CNTN4: variants seen among roughly 807,000 people sequenced by gnomAD.
The protein encoded by CNTN4 is contactin-4.
Under a neutral mutation model 122.5 loss-of-function variants are expected in CNTN4, and 77 were observed. The ratio of observed to expected loss-of-function variants is 0.63; its 90% confidence interval spans 0.52 to 0.76. The LOEUF is 0.76. Among genes scored for constraint, CNTN4 ranks in the 30% least tolerant of loss-of-function variants. CNTN4 has a pLI of 0.00. For synonymous variants in CNTN4, 512 were observed against 447.0 expected, an observed-to-expected ratio of 1.15 and a Z score of -1.83; for missense variants, 1,256 against 1,259.1, an observed-to-expected ratio of 1.00 and a Z score of 0.04.
intron 5 of CNTN4, among the ~76,000 whole-genome samples, chr3:2,739,250 G>A (rs1276209501): frequency 6.6e-6 from 1 of 151,930 alleles, no homozygotes; most frequent in Non-Finnish European, 1.5e-5. Context: ...TGGTGAAGAT[G>A]AAGAGCAAAC....
At chr3:2,329,464 T>C (rs555820704) in intron 2 of CNTN4, among the ~76,000 whole-genome samples, 1 of 152,368 alleles carries the variant, frequency 6.6e-6, no homozygotes, top group Non-Finnish European at 1.5e-5. Flanking sequence ...AGCCAGGTCA[T>C]GCTTTACACC....
At chr3:2,255,907 A>C (rs941255435) in intron 2 of CNTN4, among the ~76,000 whole-genome samples, 4 of 152,224 alleles carry the variant, frequency 2.6e-5, no homozygotes, top group Non-Finnish European at 4.4e-5. Flanking sequence ...AACAAATTCA[A>C]AAGCTAGCAG....
chr3:2,203,114 G>T (rs2038176723), intron 2 of CNTN4, among the ~76,000 whole-genome samples: 1 of 152,036 alleles, frequency 6.6e-6, no homozygotes, highest in South Asian at 2.1e-4. Flanking sequence ...GATTACAGGC[G>T]TGAGTCTCTC....
intron 2 of CNTN4, among the ~76,000 whole-genome samples, chr3:2,335,268 T>C (rs2043900754): frequency 6.6e-6 from 1 of 152,016 alleles, no homozygotes; most frequent in Admixed American, 6.6e-5. Context: ...AGTTATGGAT[T>C]GAACATGGAA....
chr3:2,836,807 C>T (rs1011321210), intron 7 of CNTN4, among the ~76,000 whole-genome samples: 26 of 151,560 alleles, frequency 1.7e-4, no homozygotes, highest in Non-Finnish European at 1.8e-4. Context: ...AGGAGAAATA[C>T]GTAATGTAGA....
chr3:2,927,880 A>G (rs952880227), intron 13 of CNTN4, among the ~76,000 whole-genome samples: 6 of 152,190 alleles, frequency 3.9e-5, no homozygotes, highest in African/African-American at 1.4e-4. Flanking sequence ...GTCCCAAACT[A>G]TCAATATTAG....
chr3:2,813,384 G>A (rs1194555893), intron 6 of CNTN4, among the ~76,000 whole-genome samples: 1 of 152,070 alleles, frequency 6.6e-6, no homozygotes, highest in African/African-American at 2.4e-5. Flanking sequence ...ATAGAATCCA[G>A]GTCTACCCAA....
rs922679945 is a variant in CNTN4 at position 2,289,344 on chromosome 3, A to C, written c.-144-49834A>C. Among the ~76,000 whole-genome samples, 3 of 152,162 alleles carry C rather than the reference A, an allele frequency of 2.0e-5. No individual in the cohort carries two copies. In the East Asian group the frequency reaches 5.8e-4, roughly 29 times the overall value. On this transcript the variant is annotated intron_variant, in intron 2 of 24. Transcript: ENST00000418658. The stretch of plus-strand genomic sequence containing the variant: ...ATTTGACCTATGTTTCTCATTGCAT[A>C]GAGATATCCTAGGAAGATTTCAAAA...
chr3:2,302,178 C>G (rs2042550084), intron 2 of CNTN4, among the ~76,000 whole-genome samples: 1 of 152,160 alleles, frequency 6.6e-6, no homozygotes, highest in Admixed American at 6.5e-5. Context: ...TGCCTGTAAT[C>G]CCAGCACTAA....
At chr3:2,759,723 A>AC (rs2090502367) in intron 6 of CNTN4, among the ~76,000 whole-genome samples, 1 of 152,026 alleles carries the variant, frequency 6.6e-6, no homozygotes, top group Middle Eastern at 3.4e-3. Context: ...CAAAAAAAAA[A>AC]AAAGTATGTT....
At chr3:2,716,183 A>G (rs1336938051) in intron 4 of CNTN4, among the ~76,000 whole-genome samples, 2 of 151,996 alleles carry the variant, frequency 1.3e-5, no homozygotes. Flanking sequence ...CCAGCTGACC[A>G]TTTTTTAATA....
intron 3 of CNTN4, among the ~76,000 whole-genome samples, chr3:2,482,857 C>G (rs1051002471): frequency 6.6e-6 from 1 of 152,136 alleles, no homozygotes; most frequent in Non-Finnish European, 1.5e-5. Context: ...GATGTTCAGG[C>G]AAAAGTTTGC....
chr3:2,592,485 A>G (rs1187361328), intron 4 of CNTN4, among the ~76,000 whole-genome samples: 3 of 152,142 alleles, frequency 2.0e-5, no homozygotes, highest in Admixed American at 6.5e-5. Flanking sequence ...CGGGTAAGAG[A>G]TGATTGAATC....
At chr3:2,173,506 T>G (rs527818221) in intron 2 of CNTN4, among the ~76,000 whole-genome samples, 1 of 152,342 alleles carries the variant, frequency 6.6e-6, no homozygotes, top group Non-Finnish European at 1.5e-5. Flanking sequence ...AATGGTTTAT[T>G]TATCTTGGGC....
chr3:2,687,507 A>G (rs984311069), intron 4 of CNTN4, among the ~76,000 whole-genome samples: 1 of 152,160 alleles, frequency 6.6e-6, no homozygotes, highest in Non-Finnish European at 1.5e-5. Flanking sequence ...CAAAAAAAAT[A>G]CAAAAATTAT....
At chr3:2,948,541 C>G (rs1016540548) in intron 13 of CNTN4, among the ~76,000 whole-genome samples, 3 of 152,126 alleles carry the variant, frequency 2.0e-5, no homozygotes, top group African/African-American at 7.2e-5. Context: ...GGTCTACAAT[C>G]CTGTATCCAT....
At chr3:2,635,421 T>G (rs942548173) in intron 4 of CNTN4, among the ~76,000 whole-genome samples, 3 of 152,206 alleles carry the variant, frequency 2.0e-5, no homozygotes, top group African/African-American at 7.2e-5. Flanking sequence ...AATTTGAAAG[T>G]GAAAAATCTG....
chr3:2,785,604 C>T (rs902302275), intron 6 of CNTN4, among the ~76,000 whole-genome samples: 14 of 151,842 alleles, frequency 9.2e-5, no homozygotes, highest in Middle Eastern at 3.4e-3. Context: ...AAACAAGTTA[C>T]AGTGAAAATA....
At chr3:2,185,135 A>G (rs974334160) in intron 2 of CNTN4, among the ~76,000 whole-genome samples, 2 of 152,114 alleles carry the variant, frequency 1.3e-5, no homozygotes, top group Non-Finnish European at 2.9e-5. Flanking sequence ...AGAGGCTGAC[A>G]TTGATTTGGC....
Sources: allele counts gnomAD v4.1 joint callset (sites outside exome capture counted in the v4.1 genomes callset), GRCh38; gene constraint gnomAD v4.1.1; transcripts MANE v1.5; gene names NCBI Gene and HGNC (gene_info 2026-07-23, HGNC 2026-07-21).